Variants in BMPR1B observed in about 807,000 individuals in gnomAD.
BMPR1B encodes bone morphogenetic protein receptor type-1B.
BMPR1B carries 12 observed loss-of-function variants against 59.1 expected under a neutral mutation model. That is an observed-to-expected ratio of 0.20 (90% CI 0.13 to 0.33). BMPR1B has a LOEUF of 0.33. BMPR1B is among the 10% of genes least tolerant of loss of function. BMPR1B has a pLI of 1.00. For synonymous variants in BMPR1B, 237 were observed against 207.3 expected (o/e 1.14, Z -1.23); for missense variants, 550 against 610.9 (o/e 0.90, Z 1.05).
chr4:94,906,633 A>G (rs1025288303), intron 2 of BMPR1B, among the ~76,000 whole-genome samples: 1 of 152,012 alleles, frequency 6.6e-6, no homozygotes, highest in African/African-American at 2.4e-5. Context: ...TTCTGCACAT[A>G]TATCCCAGAC....
intron 3 of BMPR1B, among the ~76,000 whole-genome samples, chr4:95,026,660 T>C (rs1724434533): frequency 6.6e-6 from 1 of 151,744 alleles, no homozygotes; most frequent in Admixed American, 6.6e-5. Context: ...TCTGTACTTT[T>C]AAAGAAATGA....
intron 2 of BMPR1B, among the ~76,000 whole-genome samples, chr4:94,888,941 T>TA (rs34987189): frequency 0.18 from 26,969 of 151,898 alleles, 2,513 homozygotes; most frequent in South Asian, 0.22. Flanking sequence ...CAAGACACTA[T>TA]AAAAACATTC....
intron 2 of BMPR1B, among the ~76,000 whole-genome samples, chr4:94,939,427 T>C (rs1729431250): frequency 1.3e-5 from 2 of 152,210 alleles, no homozygotes; most frequent in African/African-American, 4.8e-5. Flanking sequence ...AATATTAGTT[T>C]TTCATGAAAA....
At chr4:94,896,410 C>T (rs1727587989) in intron 2 of BMPR1B, among the ~76,000 whole-genome samples, 1 of 151,814 alleles carries the variant, frequency 6.6e-6, no homozygotes, top group African/African-American at 2.4e-5. Flanking sequence ...TTTTAATACC[C>T]TGAGTTTGCT....
At chr4:95,080,624 A>G (rs1328368562) in intron 3 of BMPR1B, among the ~76,000 whole-genome samples, 1 of 152,218 alleles carries the variant, frequency 6.6e-6, no homozygotes, top group Non-Finnish European at 1.5e-5. Flanking sequence ...ATTTGCCAAC[A>G]TAGTAATATT....
At chr4:94,847,071 A>C (rs191041581) in intron 1 of BMPR1B, among the ~76,000 whole-genome samples, 231 of 152,328 alleles carry the variant, frequency 1.5e-3, no homozygotes, top group African/African-American at 5.3e-3. Flanking sequence ...AAATAACCAG[A>C]AAATATAAGG....
chr4:94,854,121 G>GCTCT (rs3068186), intron 1 of BMPR1B, among the ~76,000 whole-genome samples: 72,647 of 151,642 alleles, frequency 0.48, 18,068 homozygotes, highest in African/African-American at 0.62. Context: ...CTACTGTGAA[G>GCTCT]CTCTCTATTC....
At chr4:94,929,669 G>A (rs150223271) in intron 2 of BMPR1B, among the ~76,000 whole-genome samples, 2,643 of 151,974 alleles carry the variant, frequency 0.017, 38 homozygotes, top group Non-Finnish European at 0.028. Flanking sequence ...GCCCTATTCT[G>A]GCTCATTCTT....
At chr4:94,924,582 T>G (rs1163323586) in intron 2 of BMPR1B, among the ~76,000 whole-genome samples, 1 of 152,154 alleles carries the variant, frequency 6.6e-6, no homozygotes. Context: ...ACTGTTTTAC[T>G]GACCTCCAAC....
chr4:94,809,776 C>T (rs977261787), intron 1 of BMPR1B, among the ~76,000 whole-genome samples: 20 of 152,230 alleles, frequency 1.3e-4, no homozygotes, highest in Admixed American at 2.0e-4. Context: ...AGCTTGCTCC[C>T]GTAGGGAACA....
At chr4:94,879,003 A>AT (rs5860378) in intron 2 of BMPR1B, among the ~76,000 whole-genome samples, 7,464 of 151,996 alleles carry the variant, frequency 0.049, 443 homozygotes, top group African/African-American at 0.14. Flanking sequence ...TAGATTTTTT[A>AT]TTTTTTTATT....
chr4:95,025,866 A>G (rs1724318298), intron 3 of BMPR1B, among the ~76,000 whole-genome samples: 1 of 152,222 alleles, frequency 6.6e-6, no homozygotes, highest in African/African-American at 2.4e-5. Context: ...CATTGTTCAA[A>G]TTTGTGCTAT....
chr4:95,073,956 G>C (rs1270867544), intron 3 of BMPR1B, among the ~76,000 whole-genome samples: 2 of 152,128 alleles, frequency 1.3e-5, no homozygotes, highest in African/African-American at 4.8e-5. Flanking sequence ...CTCTTTCCTT[G>C]TTGTGAATTG....
chr4:94,986,354 A>G (rs1296291030), intron 2 of BMPR1B, among the ~76,000 whole-genome samples: 1 of 152,212 alleles, frequency 6.6e-6, no homozygotes, highest in Non-Finnish European at 1.5e-5. Flanking sequence ...AAAACAAAAC[A>G]AAACTCAGAG....
intron 1 of BMPR1B, among the ~76,000 whole-genome samples, chr4:94,771,502 G>C (rs2110572450): frequency 6.6e-6 from 1 of 152,284 alleles, no homozygotes. Context: ...AGAGCACAGA[G>C]AAAGGTTGAT....
chr4:94,835,230 G>T (rs889090592), intron 1 of BMPR1B, among the ~76,000 whole-genome samples: 6 of 152,086 alleles, frequency 3.9e-5, no homozygotes, highest in Admixed American at 6.6e-5. Flanking sequence ...TTTCAAAGGT[G>T]GGGTTAAGTA....
At chr4:95,128,269 G>C (rs1293583986) in intron 8 of BMPR1B, among the ~76,000 whole-genome samples, 1 of 152,156 alleles carries the variant, frequency 6.6e-6, no homozygotes, top group Non-Finnish European at 1.5e-5. Flanking sequence ...ATTATCTGGG[G>C]TGGCCCAATG....
At chr4:94,968,845 G>A (rs931324113) in intron 2 of BMPR1B, among the ~76,000 whole-genome samples, 1 of 152,062 alleles carries the variant, frequency 6.6e-6, no homozygotes, top group Non-Finnish European at 1.5e-5. Context: ...AAAAGATAGG[G>A]ATTTGCCTAC....
At chr4:95,085,296 C>T (rs1729492294) in intron 3 of BMPR1B, among the ~76,000 whole-genome samples, 1 of 152,050 alleles carries the variant, frequency 6.6e-6, no homozygotes, top group African/African-American at 2.4e-5. Context: ...AGGTCGCTCC[C>T]CTGAGACAGC....
Sources: gnomAD v4.1 joint callset for allele counts (sites outside exome capture counted in the v4.1 genomes callset) on GRCh38, gnomAD v4.1.1 for gene constraint, MANE v1.5 for transcripts, NCBI Gene and HGNC (gene_info 2026-07-23, HGNC 2026-07-21) for gene names.